The following PARD3 variants were observed in gnomAD, a reference collection of about 807,000 sequenced individuals.
PARD3 encodes par-3 family cell polarity regulator.
A neutral mutation model predicts 155.4 loss-of-function variants in PARD3; 75 were observed. The observed-to-expected ratio is 0.48, with a 90% CI of 0.40 to 0.58. PARD3 has a LOEUF of 0.58. Among genes scored for constraint, PARD3 ranks in the 20% least tolerant of loss-of-function variants. The pLI is 0.00. For missense variants in PARD3, 1,642 were observed against 1,721.7 expected (o/e 0.95, Z 0.82); for synonymous variants, 576 against 610.5 (o/e 0.94, Z 0.83).
chr10:34,583,982 T>C (rs568404714), intron 2 of PARD3, among the ~76,000 whole-genome samples: 1 of 152,310 alleles, frequency 6.6e-6, no homozygotes, highest in South Asian at 2.1e-4. Context: ...TTAGAGCCTT[T>C]GGTATACATA....
At chr10:34,408,115 CTATATT>C (rs1462501291) in intron 5 of PARD3, among the ~76,000 whole-genome samples, 1 of 151,652 alleles carries the variant, frequency 6.6e-6, no homozygotes, top group East Asian at 1.9e-4. Context: ...AAAGAAAAGC[CTATATT>C]TATAATTTTT....
chr10:34,451,911 G>C (rs1322400424), intron 4 of PARD3, among the ~76,000 whole-genome samples: 1 of 151,142 alleles, frequency 6.6e-6, no homozygotes, highest in South Asian at 2.1e-4. Context: ...TCAGAAAAAA[G>C]GAAAGGAAAT....
At chr10:34,681,728 TTTTATATATATATATA>T (rs1223952620) in intron 2 of PARD3, among the ~76,000 whole-genome samples, 24 of 65,564 alleles carry the variant, frequency 3.7e-4, no homozygotes, top group African/African-American at 1.4e-3. Context: ...TACGTATGTA[TTTTATATATATATATA>T]TATATATATA....
intron 2 of PARD3, among the ~76,000 whole-genome samples, chr10:34,683,920 T>C (rs533369604): frequency 1.6e-4 from 24 of 152,372 alleles, no homozygotes; most frequent in African/African-American, 5.8e-4. Flanking sequence ...GTCATCTTTC[T>C]GAATTAATTA....
chr10:34,621,537 A>G (rs1175791385), intron 2 of PARD3, among the ~76,000 whole-genome samples: 1 of 152,098 alleles, frequency 6.6e-6, no homozygotes, highest in Non-Finnish European at 1.5e-5. Context: ...GTATTTGTAC[A>G]TTCCTAGCAT....
chr10:34,227,899 G>A lies in PARD3; in HGVS notation c.3419+41758C>T, dbSNP rs12242223. On this transcript the variant is annotated intron_variant, in intron 22 of 24. Coordinates refer to ENST00000374788, the MANE Select transcript of PARD3 (RefSeq NM_001184785.2). ...ATATATATATACTGGGAATATATAT[G>A]TATATATAAAATTTATATACCCAAA... is the stretch of plus-strand genomic sequence containing the variant. 3.2e-3 allele frequency among the ~76,000 whole-genome samples: 276 copies of A among 86,912 alleles called. 5 individuals carry two copies. The highest frequency in any genetic ancestry group is 8.6e-3 in the African/African-American group (197 of 22,910). 57.0% of individuals were successfully genotyped at this position (86,912 alleles called of 152,430 possible).
At position 34,188,875 on chromosome 10, in the gene PARD3, C is replaced by T. The variant is rs116292075; in HGVS notation, c.3420-57292G>A. Among the ~76,000 whole-genome samples, 745 of 152,254 alleles carry T rather than the reference C, an allele frequency of 4.9e-3. 8 individuals carry two copies. The highest frequency in any genetic ancestry group is 0.017 in the African/African-American group (714 of 41,540). On this transcript the variant is annotated intron_variant, in intron 22 of 24. Coordinates refer to ENST00000374788, the MANE Select transcript of PARD3 (RefSeq NM_001184785.2). Reference sequence around the variant, plus strand: ...AATCTGACCACAGCACTTCTCCCCCCACACCCTTCCCAACACAGCATGGAC... The same window carrying T: ...AATCTGACCACAGCACTTCTCCCCCTACACCCTTCCCAACACAGCATGGAC...
rs369208664 is a variant in PARD3, at chr10:34,772,265, A to C, written c.120+42611T>G. ...TAGTGAAAGCCCGTCTCTACTAAAA[A>C]TACAAAAAATTAGCAAGGCCCCCTG... On this transcript the variant is annotated intron_variant, in intron 1 of 24. Coordinates refer to ENST00000374788, the MANE Select transcript of PARD3 (RefSeq NM_001184785.2). 2.8e-4 allele frequency among the ~76,000 whole-genome samples: 43 copies of C among 151,466 alleles called. 1 individual carries two copies. The East Asian group carries it at 5.9e-3, about 21-fold the overall frequency.
chr10:34,313,759 G>A (rs183598784), intron 20 of PARD3, among the ~76,000 whole-genome samples: 5 of 152,318 alleles, frequency 3.3e-5, no homozygotes, highest in Non-Finnish European at 1.5e-5. Context: ...GGGAGTTGCA[G>A]GGAGGCAACA....
chr10:34,474,852 T>C (rs575457709), intron 3 of PARD3, among the ~76,000 whole-genome samples: 15 of 152,332 alleles, frequency 9.8e-5, no homozygotes, highest in African/African-American at 3.6e-4. Flanking sequence ...AGAAATCATA[T>C]CCTGATTTTA....
chr10:34,367,532 C>G (rs894525913), intron 12 of PARD3, among the ~76,000 whole-genome samples: 1 of 152,016 alleles, frequency 6.6e-6, no homozygotes, highest in Admixed American at 6.6e-5. Context: ...GGTGAAACCC[C>G]GTCTCTACTA....
At chr10:34,519,649 C>A (rs2082004181) in intron 2 of PARD3, among the ~76,000 whole-genome samples, 1 of 151,764 alleles carries the variant, frequency 6.6e-6, no homozygotes, top group Admixed American at 6.6e-5. Context: ...CCCATCTCTA[C>A]CAAAAACATA....
chr10:34,611,938 T>C (rs979797445), intron 2 of PARD3, among the ~76,000 whole-genome samples: 731 of 3,912 alleles, frequency 0.19, 8 homozygotes, highest in African/African-American at 0.33. Flanking sequence ...GCGCCCCCCC[T>C]ACCCCCCCGC....
At chr10:34,775,342 C>A (rs879803458) in intron 1 of PARD3, among the ~76,000 whole-genome samples, 1 of 151,956 alleles carries the variant, frequency 6.6e-6, no homozygotes, top group African/African-American at 2.4e-5. Flanking sequence ...CAAAGCAAGA[C>A]CTCATCTCTG....
intron 2 of PARD3, among the ~76,000 whole-genome samples, chr10:34,631,292 C>A (rs1247940620): frequency 6.6e-6 from 1 of 152,132 alleles, no homozygotes; most frequent in Admixed American, 6.6e-5. Flanking sequence ...AAAACACAAT[C>A]ACATACGGCC....
At chr10:34,230,110 G>C (rs547415806) in intron 22 of PARD3, among the ~76,000 whole-genome samples, 2 of 152,232 alleles carry the variant, frequency 1.3e-5, no homozygotes, top group African/African-American at 4.8e-5. Context: ...GGGAGGCCCT[G>C]AGCTGAGGAA....
chr10:34,762,259 G>GGAGGGAGA (rs1554827743), intron 1 of PARD3, among the ~76,000 whole-genome samples: 1 of 149,320 alleles, frequency 6.7e-6, no homozygotes, highest in Non-Finnish European at 1.5e-5. Flanking sequence ...GGAGGGAGAG[G>GGAGGGAGA]GAGAGAGAGA....
At chr10:34,723,069 C>T (rs2094634152) in intron 1 of PARD3, among the ~76,000 whole-genome samples, 1 of 152,126 alleles carries the variant, frequency 6.6e-6, no homozygotes, top group Non-Finnish European at 1.5e-5. Context: ...ATTGGCCAGG[C>T]ACGGTGGCTT....
At chr10:34,495,039 A>G (rs188863082) in intron 3 of PARD3, among the ~76,000 whole-genome samples, 1 of 152,148 alleles carries the variant, frequency 6.6e-6, no homozygotes, top group African/African-American at 2.4e-5. Flanking sequence ...CCCCAACCCA[A>G]TTTGCCTACT....
Sources: allele counts gnomAD v4.1 joint callset (sites outside exome capture counted in the v4.1 genomes callset), GRCh38; gene constraint gnomAD v4.1.1; transcripts MANE v1.5; gene names NCBI Gene and HGNC (gene_info 2026-07-23, HGNC 2026-07-21).